The following ABCC9 variants were observed in gnomAD, a reference collection of about 807,000 sequenced individuals.
ABCC9 encodes ATP-binding cassette sub-family C member 9.
A neutral mutation model predicts 188.3 loss-of-function variants in ABCC9; 95 were observed. That is an observed-to-expected ratio of 0.50 (90% CI 0.43 to 0.60). The LOEUF (loss-of-function observed/expected upper bound fraction) is 0.60. ABCC9 is among the 20% of genes least tolerant of loss of function. The probability of loss-of-function intolerance (pLI) is 0.00; values close to 1 mark genes in which losing one functional copy is unlikely to be tolerated. For synonymous variants in ABCC9, 659 were observed against 652.7 expected, an observed-to-expected ratio of 1.01 and a Z score of -0.15; for missense variants, 1,102 against 1,876.3, an observed-to-expected ratio of 0.59 and a Z score of 7.62.
At chr12:21,934,976 T>C (rs1949429298) in intron 3 of ABCC9, among the ~76,000 whole-genome samples, 1 of 152,092 alleles carries the variant, frequency 6.6e-6, no homozygotes, top group Non-Finnish European at 1.5e-5. Context: ...ACCTTATGAT[T>C]TTCCTAGTAC....
At chr12:21,807,219 G>T in intron 38 of ABCC9, 127 bp downstream of exon 38, 2 of 1,285,328 alleles carry the variant, frequency 1.6e-6, no homozygotes, top group Admixed American at 3.4e-5. Flanking sequence ...TCATCCAGTA[G>T]ATGATTGAGC....
At chr12:21,867,765 T>A (rs1945852634) in intron 18 of ABCC9, among the ~76,000 whole-genome samples, 1 of 147,694 alleles carries the variant, frequency 6.8e-6, no homozygotes, top group African/African-American at 2.5e-5. Flanking sequence ...AGATAGAATG[T>A]CAGGACAGAA....
In ABCC9 at chr12:21,852,536, C is replaced by T. The variant is rs369407735; in HGVS notation, c.2506-31G>A. ...ATCAGTAAAATGGAGGAAAGATGGA[C>T]GTTTTCTATACTTGTTACATAACTC... On this transcript the variant is annotated intron_variant, in intron 22 of 39. Transcript: ENST00000261200. 129 of 1,604,184 alleles carry T rather than the reference C, an allele frequency of 8.0e-5. 2 individuals carry two copies. In the Middle Eastern group the frequency reaches 4.5e-3, roughly 55 times the overall value.
At chr12:21,934,662 G>T (rs932179081) in intron 3 of ABCC9, among the ~76,000 whole-genome samples, 1 of 152,068 alleles carries the variant, frequency 6.6e-6, no homozygotes, top group African/African-American at 2.4e-5. Context: ...GTCATGTAGA[G>T]TAATACTAGG....
chr12:21,887,258 G>T (rs1946922448), intron 15 of ABCC9, among the ~76,000 whole-genome samples: 1 of 152,058 alleles, frequency 6.6e-6, no homozygotes, highest in South Asian at 2.1e-4. Context: ...TTGTATCATG[G>T]ATAAATGAAC....
At position 21,912,872 on chromosome 12, in the gene ABCC9, T is replaced by C; in HGVS notation, c.1011A>G (p.Gly337=). ...ETQNGTNNTT[G]ISETLSSKEF... is the part of the protein sequence containing the mutation. ...CCATTGAAAATCACCAGGAACTTAC[T>C]CCAGTTGTGTTATTTGTCCCATTCT... Residue 337 remains glycine, a splice_region_variant and synonymous_variant, in exon 8 of 40, where the codon GGA becomes GGG. Transcript: ENST00000261200. 6.2e-7 allele frequency: 1 copy of C among 1,613,140 alleles called. No individual in the cohort carries two copies. The highest frequency in any genetic ancestry group is 8.5e-7 in the Non-Finnish European group (1 of 1,179,290).
intron 24 of ABCC9, 97 bp downstream of exon 24, chr12:21,852,000 A>G (rs191954483): frequency 1.0e-4 from 144 of 1,403,256 alleles, no homozygotes; most frequent in Non-Finnish European, 1.4e-4. Context: ...ATTACAAAGT[A>G]TTAAATGGTA....
At position 21,819,532 on chromosome 12, in the gene ABCC9, G is replaced by GT. The variant is rs369984546; in HGVS notation, c.3670-1282dup. Among the ~76,000 whole-genome samples the GT allele has an allele frequency of 1.6e-3, 242 of 152,234 alleles. 1 individual carries two copies. Among genetic ancestry groups the GT allele is most frequent in the Non-Finnish European group, 3.0e-3 (205 of 68,000 alleles). On this transcript the variant is annotated intron_variant, in intron 31 of 39. Coordinates refer to ENST00000261200, the MANE Select transcript of ABCC9 (RefSeq NM_020297.4). ...CTGGGTTCAGACACTGACCTTGCCC[G>GT]TTACTAGTTAATGAGCTCAGACAAG...
intron 22 of ABCC9, among the ~76,000 whole-genome samples, chr12:21,854,071 G>T (rs1169201894): frequency 6.6e-6 from 1 of 152,152 alleles, no homozygotes. Flanking sequence ...GCTACATGTT[G>T]AGATATCTAA....
rs1943127946 is a variant in ABCC9 at position 21,822,751 on chromosome 12, A to G, written c.3670-4500T>C. ...GGTTGCAGTAAGCTGAGATCATGCCACTGCACTCTAGCCTGGGCGACAGAG... is the reference window on the plus strand; with the variant it reads ...GGTTGCAGTAAGCTGAGATCATGCCGCTGCACTCTAGCCTGGGCGACAGAG... On this transcript the variant is annotated intron_variant, in intron 31 of 39. Transcript: ENST00000261200. Among the ~76,000 whole-genome samples the G allele has an allele frequency of 2.7e-5, 4 of 147,542 alleles. 1 individual carries two copies. The South Asian group carries it at 8.5e-4, about 31-fold the overall frequency.
chr12:21,862,988 T>C lies in ABCC9; in HGVS notation c.2304A>G (p.Glu768=), dbSNP rs764419953. Residue 768 remains glutamate, a synonymous_variant, in exon 20 of 40, where the codon GAA becomes GAG. Transcript: ENST00000261200. ...KPWLLNATVE[E]NITFGSPFNK... ...TAAAAGGACTTCCAAAAGTAATATT[T>C]TCTTCTACTGTAGCATTTAATAGCC... 2 of 1,612,610 alleles carry C rather than the reference T, an allele frequency of 1.2e-6. No homozygotes were observed. Among genetic ancestry groups the C allele is most frequent in the Admixed American group, 3.3e-5 (2 of 59,922 alleles).
At chr12:21,921,384 A>C (rs190923273) in intron 5 of ABCC9, among the ~76,000 whole-genome samples, 1 of 151,992 alleles carries the variant, frequency 6.6e-6, no homozygotes, top group Admixed American at 6.6e-5. Flanking sequence ...ACAAATGTCT[A>C]TTCAGATCTT....
intron 18 of ABCC9, among the ~76,000 whole-genome samples, chr12:21,865,275 C>T (rs1241144868): frequency 2.6e-5 from 4 of 151,956 alleles, no homozygotes; most frequent in Non-Finnish European, 5.9e-5. Context: ...AGAAAATTTA[C>T]CTAATTATGC....
intron 15 of ABCC9, among the ~76,000 whole-genome samples, chr12:21,885,659 C>T (rs1946838228): frequency 6.6e-6 from 1 of 152,100 alleles, no homozygotes; most frequent in Non-Finnish European, 1.5e-5. Context: ...TCTTTGTGTC[C>T]ATGTCCCCAC....
At position 21,844,902 on chromosome 12, in the gene ABCC9, G is replaced by A. The variant is rs754783744; in HGVS notation, c.3110C>T (p.Ala1037Val). ...TGCTCCACAGAGTATGCTAAAGCCA[G>A]CCACATAGTAGGTCTAAAAAGCAAC... ...TGKADQTYYV[A>V]GFSILCGAGI... The change falls in exon 27 of 40, where the codon GCT (alanine) becomes GTT (valine). Residue 1037 changes from alanine (A) to valine (V), a missense_variant. Ala to Val is a moderately conservative substitution (Grantham distance 64, BLOSUM62 0). Transcript: ENST00000261200. 1 of 1,613,804 alleles carries A rather than the reference G, an allele frequency of 6.2e-7. No individual in the cohort carries two copies.
At chr12:21,835,707 C>T (rs1426263469) in intron 30 of ABCC9, among the ~76,000 whole-genome samples, 3 of 152,112 alleles carry the variant, frequency 2.0e-5, no homozygotes, top group Non-Finnish European at 4.4e-5. Flanking sequence ...CTCCTCTTTT[C>T]TTAGTCTACA....
At chr12:21,841,132 C>A (rs563651800) in intron 29 of ABCC9, among the ~76,000 whole-genome samples, 1 of 152,276 alleles carries the variant, frequency 6.6e-6, no homozygotes, top group South Asian at 2.1e-4. Flanking sequence ...ATTTGTGACA[C>A]AATGAGTGCT....
At chr12:21,906,328 A>T in intron 11 of ABCC9, 40 bp from the exon 12 acceptor site, 1 of 1,567,876 alleles carries the variant, frequency 6.4e-7, no homozygotes, top group Non-Finnish European at 8.7e-7. Flanking sequence ...AGCTGCATCC[A>T]AGTGAATCAG....
At chr12:21,882,689 C>G in intron 16 of ABCC9, 77 bp downstream of exon 16, 1 of 1,285,568 alleles carries the variant, frequency 7.8e-7, no homozygotes, top group Non-Finnish European at 1.1e-6. Context: ...CAATTTGGGA[C>G]ACTTTCACAG....
Sources: gnomAD v4.1 joint callset for allele counts (sites outside exome capture counted in the v4.1 genomes callset) on GRCh38, gnomAD v4.1.1 for gene constraint, MANE v1.5 for transcripts, NCBI Gene and HGNC (gene_info 2026-07-23, HGNC 2026-07-21) for gene names.